CSMD3: variants seen among roughly 807,000 people sequenced by gnomAD.
CSMD3 encodes the protein CUB and Sushi multiple domains 3.
Under a neutral mutation model 435.2 loss-of-function variants are expected in CSMD3, and 177 were observed. The ratio of observed to expected loss-of-function variants is 0.41; its 90% CI spans 0.36 to 0.46. The LOEUF (loss-of-function observed/expected upper bound fraction) is 0.46. CSMD3 is among the 20% of genes least tolerant of loss of function. CSMD3 has a pLI of 0.34. For missense variants in CSMD3, 4,265 were observed against 4,504.6 expected (o/e 0.95, Z 1.52); for synonymous variants, 1,656 against 1,520.5 (o/e 1.09, Z -2.07).
intron 16 of CSMD3, among the ~76,000 whole-genome samples, chr8:112,682,148 T>C (rs1384458249): frequency 6.6e-6 from 1 of 152,012 alleles, no homozygotes; most frequent in East Asian, 1.9e-4. Flanking sequence ...AAACTATAAC[T>C]AGGAAGTATA....
intron 48 of CSMD3, 37 bp from the exon 49 acceptor site, chr8:112,314,089 A>G: frequency 6.8e-7 from 1 of 1,476,938 alleles, no homozygotes; most frequent in Admixed American, 1.7e-5. Context: ...GATAAAGCTA[A>G]TTATATTCTC....
chr8:113,412,782 C>T (rs1485431956), intron 1 of CSMD3, among the ~76,000 whole-genome samples: 4 of 151,424 alleles, frequency 2.6e-5, no homozygotes, highest in Non-Finnish European at 4.4e-5. Flanking sequence ...TTAATCCTTA[C>T]CCCAATCTAG....
chr8:112,447,539 A>G (rs2130562484), intron 32 of CSMD3, among the ~76,000 whole-genome samples: 1 of 152,300 alleles, frequency 6.6e-6, no homozygotes, highest in South Asian at 2.1e-4. Context: ...TGACAATACA[A>G]TCATAAGAAG....
chr8:112,860,467 T>C (rs2080796388), intron 10 of CSMD3, among the ~76,000 whole-genome samples: 1 of 151,762 alleles, frequency 6.6e-6, no homozygotes, highest in African/African-American at 2.4e-5. Flanking sequence ...CAATCTTTTT[T>C]CCCCATTTAC....
rs373854263 is a variant in CSMD3 at position 113,409,326 on chromosome 8, A to ACC, written c.178+27349_178+27350dup. Among the ~76,000 whole-genome samples, 95 of 150,564 alleles carry ACC rather than the reference A, an allele frequency of 6.3e-4. 2 individuals are homozygous for ACC. The highest frequency in any genetic ancestry group is 2.3e-3 in the African/African-American group (94 of 41,030). On this transcript the variant is annotated intron_variant, in intron 1 of 70. Coordinates refer to ENST00000297405, the MANE Select transcript of CSMD3 (RefSeq NM_198123.2). ...TCTCGAACTCCTGACCTCGTGAAGC[A>ACC]CCCCTCTCGGCCTCCCAAAGTGCTG...
At chr8:112,610,127 T>C (rs12546340) in intron 22 of CSMD3, among the ~76,000 whole-genome samples, 25,416 of 152,052 alleles carry the variant, frequency 0.17, 2,697 homozygotes, top group South Asian at 0.29. Flanking sequence ...TAGCATTGTA[T>C]TATAAGCTTA....
At chr8:112,506,890 A>G (rs1822588383) in intron 28 of CSMD3, 61 bp from the exon 29 acceptor site, 1 of 1,463,746 alleles carries the variant, frequency 6.8e-7, no homozygotes, top group Non-Finnish European at 9.4e-7. Context: ...TTAGCTATCA[A>G]TATTTTTGAA....
At chr8:112,365,379 G>T (rs1448259543) in intron 38 of CSMD3, among the ~76,000 whole-genome samples, 1 of 150,886 alleles carries the variant, frequency 6.6e-6, no homozygotes, top group Non-Finnish European at 1.5e-5. Flanking sequence ...AACAATTAGG[G>T]TGAAGACACA....
chr8:113,400,325 A>T (rs1412543576), intron 1 of CSMD3, among the ~76,000 whole-genome samples: 1 of 152,018 alleles, frequency 6.6e-6, no homozygotes, highest in East Asian at 1.9e-4. Flanking sequence ...ATGTTCCAGA[A>T]TTTAACAGTC....
intron 3 of CSMD3, among the ~76,000 whole-genome samples, chr8:113,204,243 C>T (rs1056176364): frequency 6.6e-6 from 1 of 152,082 alleles, no homozygotes; most frequent in Non-Finnish European, 1.5e-5. Context: ...AAAGACTTCA[C>T]TGACACATTT....
At chr8:112,513,610 G>T (rs1475760875) in intron 28 of CSMD3, among the ~76,000 whole-genome samples, 1 of 152,114 alleles carries the variant, frequency 6.6e-6, no homozygotes, top group East Asian at 1.9e-4. Flanking sequence ...ATAATACAGG[G>T]ACATGAAGTG....
intron 14 of CSMD3, among the ~76,000 whole-genome samples, chr8:112,687,771 A>C (rs1159793377): frequency 6.6e-6 from 1 of 152,148 alleles, no homozygotes; most frequent in Non-Finnish European, 1.5e-5. Flanking sequence ...TGCCCCCATA[A>C]AAATTTGAAA....
At chr8:113,350,322 G>A (rs943137509) in intron 1 of CSMD3, among the ~76,000 whole-genome samples, 9 of 152,066 alleles carry the variant, frequency 5.9e-5, no homozygotes, top group East Asian at 1.9e-4. Context: ...AGGAACTACC[G>A]TAAAATAGTT....
chr8:112,997,811 C>A (rs1216433088), intron 6 of CSMD3, among the ~76,000 whole-genome samples: 3 of 150,238 alleles, frequency 2.0e-5, no homozygotes, highest in Non-Finnish European at 4.4e-5. Context: ...TTGTAATAGT[C>A]CCCCCAAAAT....
At chr8:112,716,289 CA>C in intron 13 of CSMD3, among the ~76,000 whole-genome samples, 1 of 152,080 alleles carries the variant, frequency 6.6e-6, no homozygotes, top group African/African-American at 2.4e-5. Context: ...TATAGATAAG[CA>C]GAGAGCCACA....
chr8:112,633,933 T>C (rs2074585512), intron 22 of CSMD3, among the ~76,000 whole-genome samples: 1 of 152,046 alleles, frequency 6.6e-6, no homozygotes, highest in Admixed American at 6.6e-5. Flanking sequence ...TGTACCCTTG[T>C]GCCAGGAAAA....
intron 57 of CSMD3, among the ~76,000 whole-genome samples, chr8:112,287,507 G>GT (rs1006177123): frequency 9.9e-5 from 15 of 152,122 alleles, no homozygotes; most frequent in African/African-American, 3.4e-4. Flanking sequence ...TATTTCATAA[G>GT]TTTTTCCAAA....
chr8:112,335,895 C>G (rs893039318), intron 44 of CSMD3, among the ~76,000 whole-genome samples: 116 of 152,054 alleles, frequency 7.6e-4, no homozygotes, highest in African/African-American at 2.7e-3. Context: ...AATTCAGATA[C>G]TTTCTTTAAT....
chr8:113,227,442 A>C (rs1431216462), intron 3 of CSMD3, among the ~76,000 whole-genome samples: 6 of 151,606 alleles, frequency 4.0e-5, no homozygotes, highest in African/African-American at 1.5e-4. Context: ...TTACTAATTA[A>C]AAAGAAATAT....
Sources: gnomAD v4.1 joint callset for allele counts (sites outside exome capture counted in the v4.1 genomes callset) on GRCh38, gnomAD v4.1.1 for gene constraint, MANE v1.5 for transcripts, NCBI Gene and HGNC (gene_info 2026-07-23, HGNC 2026-07-21) for gene names.